The following CPED1 variants were observed in gnomAD, a reference collection of about 807,000 sequenced individuals.
CPED1 encodes the protein cadherin like and PC-esterase domain containing 1.
In CPED1, 114 loss-of-function variants were observed where a neutral mutation model predicts 128.2. That is an observed-to-expected ratio of 0.89 (90% CI 0.76 to 1.04). CPED1 has a LOEUF of 1.04. Ranked by LOEUF, CPED1 falls within the 50% of genes least tolerant of loss-of-function variation. The pLI, the probability that CPED1 is intolerant of heterozygous loss-of-function variation, is 0.00. For missense variants in CPED1, 1,211 were observed against 1,207.1 expected, an observed-to-expected ratio of 1.00 and a Z score of -0.05; for synonymous variants, 462 against 426.7, an observed-to-expected ratio of 1.08 and a Z score of -1.02.
At chr7:121,104,774 A>G (rs1286765435) in intron 7 of CPED1, among the ~76,000 whole-genome samples, 4 of 152,152 alleles carry the variant, frequency 2.6e-5, no homozygotes, top group Non-Finnish European at 4.4e-5. Flanking sequence ...AATTGAATCA[A>G]AGGTCATTAA....
intron 4 of CPED1, among the ~76,000 whole-genome samples, chr7:121,063,389 A>AAAAT: frequency 6.7e-6 from 1 of 149,296 alleles, no homozygotes; most frequent in Admixed American, 6.6e-5. Context: ...CTGAAAAAAA[A>AAAAT]AAAAAAAAAA....
At chr7:121,289,473 A>G (rs1165780436) in intron 22 of CPED1, among the ~76,000 whole-genome samples, 4 of 152,188 alleles carry the variant, frequency 2.6e-5, no homozygotes, top group Non-Finnish European at 5.9e-5. Context: ...AGATCTTTAC[A>G]GATTTCCTAT....
At chr7:121,006,931 G>T (rs1221495508) in intron 2 of CPED1, among the ~76,000 whole-genome samples, 1 of 152,064 alleles carries the variant, frequency 6.6e-6, no homozygotes, top group Non-Finnish European at 1.5e-5. Context: ...AAGAGTATAG[G>T]TTCCTTCACA....
At chr7:121,121,975 C>T (rs932708419) in intron 7 of CPED1, among the ~76,000 whole-genome samples, 7 of 152,066 alleles carry the variant, frequency 4.6e-5, no homozygotes, top group African/African-American at 1.4e-4. Flanking sequence ...GAGTTAGTTA[C>T]AAGAACTGAT....
chr7:121,260,223 G>GTTTTTTTTTTTTTTTTTTTTTTT (rs59370305), intron 18 of CPED1, among the ~76,000 whole-genome samples: 1 of 69,980 alleles, frequency 1.4e-5, no homozygotes, highest in Non-Finnish European at 2.5e-5. Context: ...CTTGCTTCGC[G>GTTTTTTTTTTTTTTTTTTTTTTT]TTTTTTTTTT....
chr7:121,044,422 G>C (rs144564320), intron 3 of CPED1, among the ~76,000 whole-genome samples: 4 of 152,182 alleles, frequency 2.6e-5, no homozygotes, highest in Middle Eastern at 6.8e-3. Flanking sequence ...GATATTACTT[G>C]AAATTTCAGT....
chr7:121,157,844 A>C (rs567659563), intron 16 of CPED1, among the ~76,000 whole-genome samples: 2 of 152,304 alleles, frequency 1.3e-5, no homozygotes, highest in African/African-American at 4.8e-5. Flanking sequence ...AAATGAATGC[A>C]GGATTGCCAG....
intron 2 of CPED1, among the ~76,000 whole-genome samples, chr7:121,009,739 T>G (rs1354680697): frequency 6.6e-6 from 1 of 152,160 alleles, no homozygotes; most frequent in Non-Finnish European, 1.5e-5. Flanking sequence ...TTTTATAATT[T>G]CAGGGGAGGG....
chr7:121,179,367 G>A (rs186297079), intron 16 of CPED1, among the ~76,000 whole-genome samples: 2 of 152,116 alleles, frequency 1.3e-5, no homozygotes, highest in East Asian at 3.9e-4. Flanking sequence ...AAGCATGTCA[G>A]GAAGTATCCA....
At chr7:121,291,006 C>A (rs1562864528) in intron 22 of CPED1, among the ~76,000 whole-genome samples, 2 of 152,204 alleles carry the variant, frequency 1.3e-5, no homozygotes, top group Admixed American at 1.3e-4. Flanking sequence ...GGTCCAGTTT[C>A]AGTTTTCTGC....
chr7:121,096,015 T>C (rs1264681938), intron 5 of CPED1, among the ~76,000 whole-genome samples: 3 of 152,174 alleles, frequency 2.0e-5, no homozygotes, highest in Admixed American at 2.0e-4. Context: ...AGTAAAATTT[T>C]AATTAAGAAC....
chr7:121,018,158 G>A (rs1792351675), intron 3 of CPED1, among the ~76,000 whole-genome samples: 1 of 152,058 alleles, frequency 6.6e-6, no homozygotes, highest in African/African-American at 2.4e-5. Flanking sequence ...AAAAAGAGTT[G>A]TGACTATAAT....
rs1294364175 is a variant in CPED1 at position 121,143,598 on chromosome 7, TAAAC to T, written c.2055+1461_2055+1464del. On this transcript the variant is annotated intron_variant, in intron 16 of 22. Coordinates refer to ENST00000310396, the MANE Select transcript of CPED1 (RefSeq NM_024913.5). The stretch of plus-strand genomic sequence containing the variant: ...GCCACACCAAAAATGTTTAAAAAAA[TAAAC>T]AAAAACTTAGAGGGAGGTGTGCTTT... Among the ~76,000 whole-genome samples the T allele has an allele frequency of 6.6e-5, 10 of 151,988 alleles. No individual in the cohort carries two copies. The East Asian group carries it at 7.7e-4, about 12-fold the overall frequency.
chr7:121,163,444 C>G (rs1796455483), intron 16 of CPED1, among the ~76,000 whole-genome samples: 1 of 152,182 alleles, frequency 6.6e-6, no homozygotes, highest in South Asian at 2.1e-4. Flanking sequence ...GAGCTGCAGG[C>G]AAAGTACCAC....
intron 3 of CPED1, among the ~76,000 whole-genome samples, chr7:121,031,211 A>C (rs1792722502): frequency 6.6e-6 from 1 of 152,174 alleles, no homozygotes; most frequent in South Asian, 2.1e-4. Context: ...CTTTGCTGTG[A>C]TATTCATTTA....
intron 16 of CPED1, among the ~76,000 whole-genome samples, chr7:121,163,214 C>T (rs1021845086): frequency 2.0e-5 from 3 of 152,210 alleles, no homozygotes; most frequent in African/African-American, 7.2e-5. Context: ...TTCAATCAAA[C>T]ATCTCTAATG....
intron 16 of CPED1, among the ~76,000 whole-genome samples, chr7:121,165,297 T>G (rs1464829646): frequency 6.6e-6 from 1 of 152,178 alleles, no homozygotes; most frequent in Non-Finnish European, 1.5e-5. Context: ...TGTTTCTTTT[T>G]GGTGTTGTTT....
intron 18 of CPED1, among the ~76,000 whole-genome samples, chr7:121,250,659 A>G (rs1798650331): frequency 6.6e-6 from 1 of 152,212 alleles, no homozygotes; most frequent in African/African-American, 2.4e-5. Context: ...CCACAGAAAT[A>G]CAAACTACCA....
intron 7 of CPED1, 35 bp downstream of exon 7, chr7:121,100,129 G>A (rs1284800035): frequency 6.3e-7 from 1 of 1,595,942 alleles, no homozygotes; most frequent in African/African-American, 1.3e-5. Context: ...TTTCACGTAA[G>A]TACACTGAAG....
Sources: allele counts gnomAD v4.1 joint callset (sites outside exome capture counted in the v4.1 genomes callset), GRCh38; gene constraint gnomAD v4.1.1; transcripts MANE v1.5; gene names NCBI Gene and HGNC (gene_info 2026-07-23, HGNC 2026-07-21).